Variants in IQSEC1 observed in about 807,000 individuals in gnomAD.
The protein encoded by IQSEC1 is IQ motif and SEC7 domain-containing protein 1.
Under a neutral mutation model 91.0 loss-of-function variants are expected in IQSEC1, and 31 were observed. That is an observed-to-expected ratio of 0.34 (90% CI 0.26 to 0.46). IQSEC1 has a LOEUF of 0.46. IQSEC1 is among the 20% of genes least tolerant of loss of function. The pLI is 1.00. For missense variants in IQSEC1, 1,388 were observed against 1,575.6 expected, an observed-to-expected ratio of 0.88 and a Z score of 2.02; for synonymous variants, 699 against 662.6, an observed-to-expected ratio of 1.05 and a Z score of -0.84.
chr3:13,247,813 A>C (rs1695132758), intron 1 of IQSEC1, among the ~76,000 whole-genome samples: 1 of 152,082 alleles, frequency 6.6e-6, no homozygotes, highest in African/African-American at 2.4e-5. Flanking sequence ...CAGGCATTGC[A>C]GGCACTGTTC....
intron 2 of IQSEC1, among the ~76,000 whole-genome samples, chr3:13,115,494 C>A (rs1467629717): frequency 6.6e-6 from 1 of 152,216 alleles, no homozygotes; most frequent in Non-Finnish European, 1.5e-5. Context: ...TGCATGAGCC[C>A]CCTGATTTAG....
chr3:12,906,345 A>T (rs1041079226), intron 12 of IQSEC1, among the ~76,000 whole-genome samples: 11 of 152,150 alleles, frequency 7.2e-5, no homozygotes, highest in Non-Finnish European at 1.5e-5. Flanking sequence ...TGCAGCCCCC[A>T]TCTGGTCCAG....
At chr3:13,051,689 C>G (rs1019948600) in intron 1 of IQSEC1, among the ~76,000 whole-genome samples, 3 of 152,202 alleles carry the variant, frequency 2.0e-5, no homozygotes, top group Admixed American at 2.0e-4. Context: ...AACAGAAGCT[C>G]AGGCCTCAGG....
chr3:13,070,062 G>A (rs553240154), intron 1 of IQSEC1, among the ~76,000 whole-genome samples: 1 of 152,050 alleles, frequency 6.6e-6, no homozygotes, highest in East Asian at 1.9e-4. Context: ...GAGTGGAAGT[G>A]GCGAAAATGG....
intron 1 of IQSEC1, among the ~76,000 whole-genome samples, chr3:13,166,429 C>T (rs1052062054): frequency 3.3e-5 from 5 of 152,312 alleles, no homozygotes; most frequent in Admixed American, 1.3e-4. Flanking sequence ...GCCAGGAGCT[C>T]CACATTCTGG....
At position 12,967,696 on chromosome 3, in the gene IQSEC1, C is replaced by T; in HGVS notation, c.24-25831G>A. 8.8e-7 allele frequency: 1 copy of T among 1,142,176 alleles called. No individual in the cohort carries two copies. The highest frequency in any genetic ancestry group is 4.3e-5 in the South Asian group (1 of 23,054). The allele number at this position is 1,142,176 out of a possible 1,614,324, so 70.8% of individuals were successfully genotyped here. On this transcript the variant is annotated intron_variant, in intron 1 of 13. Coordinates refer to ENST00000613206, the MANE Select transcript of IQSEC1 (RefSeq NM_001134382.3). This position sits in a 1 kb window ranked among gnomAD's most constrained non-coding sequence, Gnocchi z 5.9. ...CTCCGCCGCCGCCCGCTTGGCGCAG[C>T]GCGAGGCCGGGCCGGAGGAATGTGG... is the stretch of plus-strand genomic sequence containing the variant.
chr3:13,104,381 G>A (rs565294003), intron 2 of IQSEC1, among the ~76,000 whole-genome samples: 1 of 152,202 alleles, frequency 6.6e-6, no homozygotes, highest in African/African-American at 2.4e-5. Context: ...GCCAACATTA[G>A]GGACCCTCTA....
At chr3:12,966,481 AG>A in intron 1 of IQSEC1, among the ~76,000 whole-genome samples, 1 of 152,186 alleles carries the variant, frequency 6.6e-6, no homozygotes, top group East Asian at 1.9e-4. Flanking sequence ...CAGATAGCTC[AG>A]GGGGCAGCTG....
At chr3:12,910,892 C>T (rs778834488) in intron 10 of IQSEC1, among the ~76,000 whole-genome samples, 6 of 152,186 alleles carry the variant, frequency 3.9e-5, no homozygotes, top group Admixed American at 6.5e-5. Context: ...CTCCAGGTGG[C>T]CCCCTGCTCC....
intron 1 of IQSEC1, among the ~76,000 whole-genome samples, chr3:13,275,068 G>A (rs1157335250): frequency 1.3e-5 from 2 of 152,198 alleles, no homozygotes; most frequent in African/African-American, 4.8e-5. Context: ...GGGTGACTGT[G>A]GGCAAACCAC....
chr3:12,922,857 C>A lies in IQSEC1; in HGVS notation c.1731-615G>T, dbSNP rs1216759999. Among the ~76,000 whole-genome samples, 1 of 152,146 alleles carries A rather than the reference C, an allele frequency of 6.6e-6. No homozygotes were observed. The highest frequency in any genetic ancestry group is 1.5e-5 in the Non-Finnish European group (1 of 68,040). On this transcript the variant is annotated intron_variant, in intron 4 of 13. Coordinates refer to ENST00000613206, the MANE Select transcript of IQSEC1 (RefSeq NM_001134382.3). This position sits in a 1 kb window ranked among gnomAD's most constrained non-coding sequence, Gnocchi z 5.1. Reference sequence around the variant, plus strand: ...CCTGCCCCGGCACACCCTTCCAGTCCCTCCTATGGTGACCCCTGAACAGAG... The same window carrying A: ...CCTGCCCCGGCACACCCTTCCAGTCACTCCTATGGTGACCCCTGAACAGAG...
intron 2 of IQSEC1, among the ~76,000 whole-genome samples, chr3:13,079,696 C>G (rs949423402): frequency 6.6e-6 from 1 of 152,188 alleles, no homozygotes; most frequent in Non-Finnish European, 1.5e-5. Flanking sequence ...ACACCTGAAA[C>G]CTGGAGGTTA....
At chr3:13,084,748 G>A (rs982624246) in intron 2 of IQSEC1, among the ~76,000 whole-genome samples, 5 of 152,184 alleles carry the variant, frequency 3.3e-5, no homozygotes, top group Non-Finnish European at 7.3e-5. Flanking sequence ...GGTACAAAGC[G>A]GTTTCCCAGG....
At position 12,900,949 on chromosome 3, in the gene IQSEC1, G is replaced by T; in HGVS notation, c.*34C>A. ...GGCGTGCCCTGTGTGGTGTGCAGGTGTTTCAGGGAGCCTGGGACCCCTACC... is the reference window on the plus strand; with the variant it reads ...GGCGTGCCCTGTGTGGTGTGCAGGTTTTTCAGGGAGCCTGGGACCCCTACC... On this transcript the variant is annotated 3_prime_UTR_variant, in exon 14 of 14. Coordinates refer to ENST00000613206, the MANE Select transcript of IQSEC1 (RefSeq NM_001134382.3). 6.5e-7 allele frequency: 1 copy of T among 1,540,194 alleles called. No individual in the cohort carries two copies.
chr3:13,245,566 A>G (rs1021240549), intron 1 of IQSEC1, among the ~76,000 whole-genome samples: 9 of 152,310 alleles, frequency 5.9e-5, no homozygotes, highest in Non-Finnish European at 1.2e-4. Context: ...CAGGAGTTCA[A>G]GACCGGCCTG....
intron 1 of IQSEC1, among the ~76,000 whole-genome samples, chr3:13,197,205 C>A (rs1487541658): frequency 1.3e-5 from 2 of 152,202 alleles, no homozygotes; most frequent in Non-Finnish European, 2.9e-5. Context: ...TGCACATGAA[C>A]CATGTCTTCC....
rs1303040429 is a variant in IQSEC1 at position 12,967,897 on chromosome 3, G to GGTCAGGGGCGGGGC, written c.24-26046_24-26033dup. Among the ~76,000 whole-genome samples, 6 of 145,974 alleles carry GGTCAGGGGCGGGGC rather than the reference G, an allele frequency of 4.1e-5. No homozygotes were observed. The highest frequency in any genetic ancestry group is 8.1e-5 in the African/African-American group (3 of 37,238). ...CGCGGAAGAAGCACAGGGGGCGGGG[G>GGTCAGGGGCGGGGC]GTCAGGGGCGGGGCGTCAGGGGCGG... On this transcript the variant is annotated intron_variant, in intron 1 of 13. Transcript: ENST00000613206. This position sits in a 1 kb window ranked among gnomAD's most constrained non-coding sequence, Gnocchi z 5.9.
Position 12,935,953 on chromosome 3 carries a change from C to T in IQSEC1, c.1063G>A (p.Glu355Lys). 1 of 1,599,170 alleles carries T rather than the reference C, an allele frequency of 6.3e-7. No individual in the cohort carries two copies. Among genetic ancestry groups the T allele is most frequent in the Non-Finnish European group, 8.5e-7 (1 of 1,179,492 alleles). ...AGATGCTCCACCCGCAGCCGCTGCT[C>T]CTGCCGCTCCAGCGACGGCGTGCTC... is the stretch of plus-strand genomic sequence containing the variant. ...CRSTPSLERQ[E>K]QRLRVEHLPL... The change falls in exon 3 of 14, where the codon GAG becomes AAG. Residue 355 changes from glutamate (E) to lysine (K), a missense_variant. Physicochemically the swap from Glu to Lys is moderately conservative, Grantham distance 56 (BLOSUM62 1). Coordinates refer to ENST00000613206, the MANE Select transcript of IQSEC1 (RefSeq NM_001134382.3). This position sits in a 1 kb window ranked among gnomAD's most constrained non-coding sequence, Gnocchi z 8.0.
At position 12,935,369 on chromosome 3, in the gene IQSEC1, G is replaced by A. The variant is rs1698072897; in HGVS notation, c.1568+79C>T. On this transcript the variant is annotated intron_variant, in intron 3 of 13. Transcript: ENST00000613206. This position sits in a 1 kb window ranked among gnomAD's most constrained non-coding sequence, Gnocchi z 8.0. Reference sequence around the variant, plus strand: ...CGGTGGACCTCAAGCTCCGTGCTTGGAAGGATGCAGCCACGCCCACCCGCC... The same window carrying A: ...CGGTGGACCTCAAGCTCCGTGCTTGAAAGGATGCAGCCACGCCCACCCGCC... The A allele has an allele frequency of 7.1e-7, 1 of 1,411,340 alleles. No homozygotes were observed. Among genetic ancestry groups the A allele is most frequent in the Admixed American group, 1.8e-5 (1 of 55,076 alleles). The allele number at this position is 1,411,340 out of a possible 1,614,324, so 87.4% of individuals were successfully genotyped here. A position where few individuals can be genotyped will look rare whatever the true frequency, so the allele number is the denominator to read the frequency against.
Sources: allele counts gnomAD v4.1 joint callset (sites outside exome capture counted in the v4.1 genomes callset), GRCh38; gene constraint gnomAD v4.1.1; non-coding constraint Gnocchi (gnomAD v3.1); transcripts MANE v1.5; gene names NCBI Gene and HGNC (gene_info 2026-07-23, HGNC 2026-07-21).